Variants in TBC1D14 observed in about 807,000 individuals in gnomAD.
TBC1D14 encodes TBC1 domain family member 14.
TBC1D14 carries 26 observed loss-of-function variants against 79.0 expected under a neutral mutation model. The ratio of observed to expected loss-of-function variants is 0.33; its 90% CI spans 0.24 to 0.46. The LOEUF (loss-of-function observed/expected upper bound fraction) is 0.46. Among genes scored for constraint, TBC1D14 ranks in the 20% least tolerant of loss-of-function variants. The pLI is 1.00. For synonymous variants in TBC1D14, 394 were observed against 349.9 expected (o/e 1.13, Z -1.40); for missense variants, 769 against 887.6 (o/e 0.87, Z 1.70).
intron 2 of TBC1D14, among the ~76,000 whole-genome samples, chr4:6,939,951 G>T (rs969587785): frequency 6.6e-6 from 1 of 152,194 alleles, no homozygotes; most frequent in Admixed American, 6.5e-5. Context: ...CAGGCGTCAC[G>T]ACCTACACCA....
At chr4:6,966,757 C>G (rs1406082572) in intron 2 of TBC1D14, among the ~76,000 whole-genome samples, 4 of 152,196 alleles carry the variant, frequency 2.6e-5, no homozygotes, top group Non-Finnish European at 5.9e-5. Flanking sequence ...TATGACATAA[C>G]ACATTTTCTT....
intron 3 of TBC1D14, among the ~76,000 whole-genome samples, chr4:6,987,793 AGGT>A (rs1295993793): frequency 1.3e-5 from 2 of 152,236 alleles, no homozygotes; most frequent in Non-Finnish European, 2.9e-5. Flanking sequence ...TGAGGTGGTC[AGGT>A]TGCAACAGCA....
At position 6,921,552 on chromosome 4, in the gene TBC1D14, G is replaced by A. The variant is rs150848036; in HGVS notation, c.-17-1821G>A. Among the ~76,000 whole-genome samples the A allele has an allele frequency of 4.7e-4, 72 of 151,968 alleles. 3 individuals carry two copies. The East Asian group carries it at 0.013, about 28-fold the overall frequency. ...TTATTTTTTTATTTTTTGAAATGGA[G>A]CCTCGCCCTGTCGCCCAGGCTGGAG... On this transcript the variant is annotated intron_variant, in intron 1 of 13. Transcript: ENST00000409757.
At chr4:6,920,982 G>T (rs1053274932) in intron 1 of TBC1D14, among the ~76,000 whole-genome samples, 1 of 152,220 alleles carries the variant, frequency 6.6e-6, no homozygotes, top group African/African-American at 2.4e-5. Flanking sequence ...GTTTCACCAT[G>T]TTGGCCAGGC....
chr4:6,996,758 G>T (rs1189702576), intron 5 of TBC1D14, among the ~76,000 whole-genome samples: 5 of 152,154 alleles, frequency 3.3e-5, no homozygotes, highest in Admixed American at 6.5e-5. Flanking sequence ...TTTGGAGCTG[G>T]GTGCCTGTGT....
intron 12 of TBC1D14, among the ~76,000 whole-genome samples, chr4:7,018,083 A>G (rs745797216): frequency 6.6e-6 from 1 of 152,182 alleles, no homozygotes; most frequent in African/African-American, 2.4e-5. Context: ...ACTGAGGCCC[A>G]TGGTGTGAGG....
At chr4:7,005,560 G>T (rs569326449) in intron 8 of TBC1D14, among the ~76,000 whole-genome samples, 1 of 152,096 alleles carries the variant, frequency 6.6e-6, no homozygotes, top group South Asian at 2.1e-4. Flanking sequence ...TTAGCTAGGC[G>T]TGGTGATGTG....
intron 2 of TBC1D14, among the ~76,000 whole-genome samples, chr4:6,950,907 T>C (rs898934992): frequency 6.6e-6 from 1 of 152,204 alleles, no homozygotes; most frequent in African/African-American, 2.4e-5. Context: ...CCTTATAAAA[T>C]GGGTTGGGAG....
chr4:6,927,968 A>G (rs1170446674), intron 2 of TBC1D14, among the ~76,000 whole-genome samples: 2 of 152,246 alleles, frequency 1.3e-5, no homozygotes, highest in Non-Finnish European at 2.9e-5. Context: ...CAGCAAGTGT[A>G]AGAGAAAGTC....
intron 3 of TBC1D14, among the ~76,000 whole-genome samples, chr4:6,972,144 C>T (rs900572147): frequency 1.3e-5 from 2 of 152,178 alleles, no homozygotes; most frequent in African/African-American, 4.8e-5. Context: ...GTTTGTTTCA[C>T]AGATTTGAGC....
At chr4:6,968,417 G>A (rs576391717) in intron 3 of TBC1D14, among the ~76,000 whole-genome samples, 3 of 152,204 alleles carry the variant, frequency 2.0e-5, no homozygotes, top group East Asian at 1.9e-4. Flanking sequence ...CTCAGCACTC[G>A]TGTTTCTAGT....
At position 6,999,186 on chromosome 4, in the gene TBC1D14, C is replaced by T; in HGVS notation, c.1147C>T (p.Pro383Ser). 1 of 1,613,814 alleles carries T rather than the reference C, an allele frequency of 6.2e-7. No individual in the cohort carries two copies. Among genetic ancestry groups the T allele is most frequent in the Non-Finnish European group, 8.5e-7 (1 of 1,179,756 alleles). Residue 383 changes from proline to serine, a missense_variant, in exon 6 of 14, where the codon CCT becomes TCT. Physicochemically the swap from Pro to Ser is moderately conservative, Grantham distance 74 (BLOSUM62 -1). This residue lies in a region of TBC1D14 where 367 missense variants were observed against 494.4 expected (regional missense o/e 0.74). Coordinates refer to ENST00000409757, the MANE Select transcript of TBC1D14 (RefSeq NM_020773.3). ...AVLTWNNEIL[P>S]NWETMWCSRK... Reference sequence around the variant, plus strand: ...GCTCACCTGGAATAATGAGATCTTACCTAACTGGGAAACAATGTAAGATGT... The same window carrying T: ...GCTCACCTGGAATAATGAGATCTTATCTAACTGGGAAACAATGTAAGATGT...
chr4:6,947,226 G>A (rs942711312), intron 2 of TBC1D14, among the ~76,000 whole-genome samples: 3 of 150,934 alleles, frequency 2.0e-5, no homozygotes, highest in Non-Finnish European at 2.9e-5. Flanking sequence ...GGGCAGGCGC[G>A]GTGGCTCAAG....
chr4:6,979,743 A>C (rs1717195693), intron 3 of TBC1D14, among the ~76,000 whole-genome samples: 1 of 152,202 alleles, frequency 6.6e-6, no homozygotes, highest in Non-Finnish European at 1.5e-5. Context: ...ATACTAATCA[A>C]AATTAAGATA....
chr4:6,961,709 T>TG (rs1715216399), intron 2 of TBC1D14, among the ~76,000 whole-genome samples: 1 of 152,094 alleles, frequency 6.6e-6, no homozygotes, highest in African/African-American at 2.4e-5. Context: ...AAGATGGCCC[T>TG]GGTAGAGAGC....
chr4:6,941,082 C>T (rs1712857665), intron 2 of TBC1D14, among the ~76,000 whole-genome samples: 1 of 151,856 alleles, frequency 6.6e-6, no homozygotes, highest in Non-Finnish European at 1.5e-5. Flanking sequence ...CGTGATCAAC[C>T]AGTGCTCGAG....
intron 3 of TBC1D14, chr4:6,987,653 G>A (rs1004314077): frequency 1.1e-5 from 4 of 352,388 alleles, no homozygotes; most frequent in Admixed American, 9.5e-5. Context: ...CACGTCCTTT[G>A]AGTCCTCCTT....
At chr4:6,933,675 T>C (rs1712008244) in intron 2 of TBC1D14, among the ~76,000 whole-genome samples, 1 of 152,104 alleles carries the variant, frequency 6.6e-6, no homozygotes, top group Non-Finnish European at 1.5e-5. Context: ...TGTCCCATCA[T>C]ATTCATAGTT....
chr4:6,978,462 A>C (rs1409972923), intron 3 of TBC1D14, among the ~76,000 whole-genome samples: 1 of 150,152 alleles, frequency 6.7e-6, no homozygotes, highest in Non-Finnish European at 1.5e-5. Flanking sequence ...TGCTCTCTGA[A>C]ACATGTGCTG....
Sources: allele counts gnomAD v4.1 joint callset (sites outside exome capture counted in the v4.1 genomes callset), GRCh38; gene constraint gnomAD v4.1.1; regional missense constraint gnomAD v4.1.1; transcripts MANE v1.5; gene names NCBI Gene and HGNC (gene_info 2026-07-23, HGNC 2026-07-21).